Variants in SLC7A1 observed in about 807,000 individuals in gnomAD.
SLC7A1 encodes the protein solute carrier family 7 member 1, also known as high affinity cationic amino acid transporter 1.
SLC7A1 carries 10 observed loss-of-function variants against 53.9 expected under a neutral mutation model. The observed-to-expected ratio is 0.19, with a 90% CI of 0.11 to 0.31. The LOEUF (loss-of-function observed/expected upper bound fraction) is 0.31. SLC7A1 is among the 10% of genes least tolerant of loss of function. The pLI is 1.00. For synonymous variants in SLC7A1, 342 were observed against 338.7 expected (o/e 1.01, Z -0.11); for missense variants, 525 against 827.2 (o/e 0.63, Z 4.48).
At chr13:29,549,867 A>C (rs1350840147) in intron 2 of SLC7A1, among the ~76,000 whole-genome samples, 1 of 152,098 alleles carries the variant, frequency 6.6e-6, no homozygotes, top group Non-Finnish European at 1.5e-5. Context: ...GGGTTTCACC[A>C]TGTTGGCCAG....
At chr13:29,568,775 C>T (rs1871074845) in intron 1 of SLC7A1, among the ~76,000 whole-genome samples, 2 of 152,194 alleles carry the variant, frequency 1.3e-5, no homozygotes, top group South Asian at 2.1e-4. Context: ...CTTGTGTGGC[C>T]GCAAAGCCTA....
intron 1 of SLC7A1, among the ~76,000 whole-genome samples, chr13:29,594,487 CAGG>C (rs1355285251): frequency 3.3e-5 from 5 of 152,230 alleles, no homozygotes; most frequent in Admixed American, 3.3e-4. Context: ...TGGAAAGGGT[CAGG>C]AGCTGAACCA....
chr13:29,582,568 G>A (rs566884513), intron 1 of SLC7A1, among the ~76,000 whole-genome samples: 12 of 152,276 alleles, frequency 7.9e-5, no homozygotes, highest in Middle Eastern at 3.4e-3. Flanking sequence ...GTGGTCTAAT[G>A]GGCAGATCAG....
At chr13:29,524,310 G>A (rs1164821593) in intron 5 of SLC7A1, 57 bp from the exon 6 acceptor site, 2 of 1,608,064 alleles carry the variant, frequency 1.2e-6, no homozygotes, top group East Asian at 2.2e-5. Flanking sequence ...TCTGGCGTAA[G>A]GAGCTGTGCT....
Position 29,511,069 on chromosome 13 carries a change from A to T in SLC7A1, c.*3411T>A, listed in dbSNP as rs545214870. 6.6e-6 allele frequency: 1 copy of T among 152,310 alleles called. No individual in the cohort carries two copies. Among genetic ancestry groups the T allele is most frequent in the Non-Finnish European group, 1.5e-5 (1 of 68,118 alleles). 9.4% of individuals were successfully genotyped at this position (152,310 alleles called of 1,614,324 possible). A position where few individuals can be genotyped will look rare whatever the true frequency, so the allele number is the denominator to read the frequency against. ...CCGTGGCAGGGGCACGGCAGGGAGGAGCTGGTATCATCAGCGTTTCCACCC... is the reference window on the plus strand; with the variant it reads ...CCGTGGCAGGGGCACGGCAGGGAGGTGCTGGTATCATCAGCGTTTCCACCC... On this transcript the variant is annotated 3_prime_UTR_variant, in exon 13 of 13. Transcript: ENST00000380752.
In SLC7A1 at chr13:29,519,431, CA is replaced by C; in HGVS notation, c.1292+15del. The C allele has an allele frequency of 1.3e-6, 2 of 1,521,966 alleles. No homozygotes were observed. The highest frequency in any genetic ancestry group is 1.1e-5 in the South Asian group (1 of 88,916). The allele number at this position is 1,521,966 out of a possible 1,614,324, so 94.3% of individuals were successfully genotyped here. Reference sequence around the variant, plus strand: ...ATCTGCATTTCTGTCATGAGACCCCCAAAAGCCATACATACCGTAAGACCAA... The same window carrying C: ...ATCTGCATTTCTGTCATGAGACCCCCAAAGCCATACATACCGTAAGACCAA... On this transcript the variant is annotated intron_variant, in intron 9 of 12. Coordinates refer to ENST00000380752, the MANE Select transcript of SLC7A1 (RefSeq NM_003045.5).
chr13:29,590,371 C>T (rs938625178), intron 1 of SLC7A1, among the ~76,000 whole-genome samples: 2 of 152,192 alleles, frequency 1.3e-5, no homozygotes, highest in African/African-American at 4.8e-5. Context: ...CCACCAAACA[C>T]ACACACATAC....
intron 1 of SLC7A1, 25 bp downstream of exon 1, chr13:29,595,391 T>G (rs1012874127): frequency 1.3e-5 from 2 of 151,464 alleles, no homozygotes; most frequent in Admixed American, 1.3e-4. Flanking sequence ...AGCTGCCCCC[T>G]GCGTTGGCGG....
Position 29,518,340 on chromosome 13 carries a change from C to T in SLC7A1, c.1293-550G>A, listed in dbSNP as rs142051925. 1.5e-3 allele frequency among the ~76,000 whole-genome samples: 231 copies of T among 152,272 alleles called. 2 individuals carry two copies. In the Middle Eastern group the frequency reaches 0.024, roughly 16 times the overall value. On this transcript the variant is annotated intron_variant, in intron 9 of 12. Transcript: ENST00000380752. ...GCTTGTTGGAGGGCCGAGCCTGCAG[C>T]GTGATTTCCAAGACATGAGCTACCT...
In SLC7A1 at chr13:29,514,396, A is replaced by G. The variant is rs372894080; in HGVS notation, c.*84T>C. Reference sequence around the variant, plus strand: ...TGTGGACGCAGGTGGTTTCTGTTGCACTGGTGGGGAGGGTGGGGTGCCTCC... The same window carrying G: ...TGTGGACGCAGGTGGTTTCTGTTGCGCTGGTGGGGAGGGTGGGGTGCCTCC... On this transcript the variant is annotated 3_prime_UTR_variant, in exon 13 of 13. Coordinates refer to ENST00000380752, the MANE Select transcript of SLC7A1 (RefSeq NM_003045.5). 5 of 939,852 alleles carry G rather than the reference A, an allele frequency of 5.3e-6. 1 individual carries two copies. The South Asian group carries it at 6.9e-5, about 13-fold the overall frequency. The allele number at this position is 939,852 out of a possible 1,614,324, so 58.2% of individuals were successfully genotyped here. A position where few individuals can be genotyped will look rare whatever the true frequency, so the allele number is the denominator to read the frequency against.
chr13:29,524,335 A>C (rs1868784311), intron 5 of SLC7A1, 82 bp from the exon 6 acceptor site: 2 of 1,563,424 alleles, frequency 1.3e-6, no homozygotes, highest in Non-Finnish European at 1.7e-6. Flanking sequence ...TCCTGATATG[A>C]GCGGAACCTG....
At chr13:29,574,834 C>T (rs1029413307) in intron 1 of SLC7A1, among the ~76,000 whole-genome samples, 2 of 152,032 alleles carry the variant, frequency 1.3e-5, no homozygotes, top group Admixed American at 6.5e-5. Flanking sequence ...TCAGTATAGA[C>T]GGGGTTTCAC....
intron 1 of SLC7A1, among the ~76,000 whole-genome samples, chr13:29,574,476 C>T (rs1457255388): frequency 6.6e-6 from 1 of 152,206 alleles, no homozygotes. Flanking sequence ...AAAGTCAGTG[C>T]CAGCACCTGT....
chr13:29,555,275 G>A (rs1363951121), intron 1 of SLC7A1, among the ~76,000 whole-genome samples: 3 of 132,846 alleles, frequency 2.3e-5, no homozygotes, highest in Admixed American at 8.3e-5. Flanking sequence ...GGAGAATGGC[G>A]TGAACCCGGG....
intron 1 of SLC7A1, among the ~76,000 whole-genome samples, chr13:29,555,356 T>C (rs1207307106): frequency 3.7e-4 from 1 of 2,672 alleles, no homozygotes; most frequent in Admixed American, 4.9e-3. Flanking sequence ...AGACTCCGTC[T>C]CAAAAAAAAA....
intron 5 of SLC7A1, 38 bp from the exon 6 acceptor site, chr13:29,524,291 G>C: frequency 6.2e-7 from 1 of 1,613,208 alleles, no homozygotes. Context: ...CACGTCACTC[G>C]CTGCGCAGTC....
intron 2 of SLC7A1, among the ~76,000 whole-genome samples, chr13:29,540,250 A>C (rs565575601): frequency 3.3e-5 from 5 of 152,284 alleles, no homozygotes; most frequent in African/African-American, 1.2e-4. Context: ...GTGGGGAGGA[A>C]TTTATACAAC....
intron 1 of SLC7A1, among the ~76,000 whole-genome samples, chr13:29,566,559 A>G (rs1466398295): frequency 2.0e-5 from 3 of 152,198 alleles, no homozygotes; most frequent in Non-Finnish European, 2.9e-5. Flanking sequence ...ACTTATATGA[A>G]ATGTCCAGGA....
At chr13:29,519,943 C>A (rs1374622529) in intron 8 of SLC7A1, among the ~76,000 whole-genome samples, 1 of 152,092 alleles carries the variant, frequency 6.6e-6, no homozygotes, top group African/African-American at 2.4e-5. Flanking sequence ...GACTCTGAGT[C>A]CTGTGTGTCT....
Sources: gnomAD v4.1 joint callset for allele counts (sites outside exome capture counted in the v4.1 genomes callset) on GRCh38, gnomAD v4.1.1 for gene constraint, MANE v1.5 for transcripts, NCBI Gene and HGNC (gene_info 2026-07-23, HGNC 2026-07-21) for gene names.